NIPBL: variants seen among roughly 807,000 people sequenced by gnomAD.
NIPBL encodes nipped-B-like protein.
NIPBL carries 19 observed loss-of-function variants against 321.8 expected under a neutral mutation model. The observed-to-expected ratio is 0.06, with a 90% CI of 0.04 to 0.09. The LOEUF is 0.09. NIPBL is among the 10% of genes least tolerant of loss of function. The pLI is 1.00. For synonymous variants in NIPBL, 1,106 were observed against 1,114.1 expected (o/e 0.99, Z 0.14); for missense variants, 2,210 against 3,327.0 (o/e 0.66, Z 8.26).
At position 37,052,663 on chromosome 5, in the gene NIPBL, T is replaced by C. The variant is rs538922813; in HGVS notation, c.7263+97T>C. ...TAAATATTACCATTTTATTAGTATA[T>C]GATAGTAACTTCATTAAGTGTTTTC... On this transcript the variant is annotated intron_variant, in intron 42 of 46. Coordinates refer to ENST00000282516, the MANE Select transcript of NIPBL (RefSeq NM_133433.4). The C allele has an allele frequency of 9.3e-5, 81 of 872,620 alleles. 1 individual carries two copies. The highest frequency in any genetic ancestry group is 5.8e-4 in the Admixed American group (26 of 45,028). 54.1% of individuals were successfully genotyped at this position (872,620 alleles called of 1,614,324 possible).
At chr5:37,036,518 A>G (rs1751716000) in intron 33 of NIPBL, 31 bp downstream of exon 33, 4 of 911,086 alleles carry the variant, frequency 4.4e-6, no homozygotes, top group South Asian at 2.2e-5. Flanking sequence ...ATTGATCTTT[A>G]GTTGATTTTA....
chr5:36,958,299 C>CT (rs752079489), intron 4 of NIPBL, 68 bp downstream of exon 4: 834 of 1,509,340 alleles, frequency 5.5e-4, no homozygotes, highest in Non-Finnish European at 7.3e-4. Context: ...CAGGTGTCTT[C>CT]TTTAACAAGC....
At chr5:36,885,253 G>A in intron 1 of NIPBL, 1 of 528,014 alleles carries the variant, frequency 1.9e-6, no homozygotes. Context: ...ACTGGTTCCT[G>A]GGCTCTGTCC....
At chr5:36,971,815 C>T in intron 7 of NIPBL, 130 bp from the exon 8 acceptor site, 1 of 1,480,720 alleles carries the variant, frequency 6.8e-7, no homozygotes, top group Non-Finnish European at 9.0e-7. Context: ...CAGGAAAGTG[C>T]AGAAGAATTA....
chr5:36,901,494 T>C (rs942790716), intron 1 of NIPBL, among the ~76,000 whole-genome samples: 4 of 143,166 alleles, frequency 2.8e-5, no homozygotes, highest in Non-Finnish European at 6.0e-5. Context: ...ATGGTCCTTC[T>C]AAGTCCTTTT....
At chr5:37,037,339 G>A (rs1428677700) in intron 33 of NIPBL, among the ~76,000 whole-genome samples, 1 of 150,480 alleles carries the variant, frequency 6.6e-6, no homozygotes, top group Admixed American at 6.6e-5. Context: ...AGTGAGCCAA[G>A]ATCACGCCAC....
intron 45 of NIPBL, among the ~76,000 whole-genome samples, chr5:37,063,548 C>G (rs1253306150): frequency 6.6e-6 from 1 of 152,196 alleles, no homozygotes; most frequent in Admixed American, 6.5e-5. Flanking sequence ...ATTTATTTGT[C>G]TGTAGCTGCT....
intron 32 of NIPBL, among the ~76,000 whole-genome samples, 191 bp downstream of exon 32, chr5:37,027,603 GTTT>G (rs781358128): frequency 1.4e-5 from 1 of 69,744 alleles, no homozygotes; most frequent in East Asian, 4.3e-4. Context: ...CCTGGTTGTG[GTTT>G]TTTTTTTTTT....
Position 36,984,887 on chromosome 5 carries a change from A to C in NIPBL, c.1707A>C (p.Glu569Asp), listed in dbSNP as rs1322578530. The C allele has an allele frequency of 9.3e-6, 15 of 1,613,746 alleles. No individual in the cohort carries two copies. Among genetic ancestry groups the C allele is most frequent in the Non-Finnish European group, 1.3e-5 (15 of 1,179,868 alleles). Residue 569 changes from glutamate (E) to aspartate (D), a missense_variant, in exon 10 of 47, where the codon GAA becomes GAC. By Grantham distance (45) the Glu-to-Asp change is conservative. Transcript: ENST00000282516. ...QDSDSIKKPE[E>D]IKQCNDAPVS... ...CAGACTCCATAAAAAAGCCTGAAGA[A>C]ATCAAACAATGTAATGATGCACCTG...
Position 36,986,032 on chromosome 5 carries a change from G to T in NIPBL, c.2852G>T (p.Gly951Val), listed in dbSNP as rs1483295105. 6.2e-7 allele frequency: 1 copy of T among 1,613,942 alleles called. No individual in the cohort carries two copies. Among genetic ancestry groups the T allele is most frequent in the African/African-American group, 1.3e-5 (1 of 75,004 alleles). The change falls in exon 10 of 47, where the codon GGT (glycine) becomes GTT (valine). Residue 951 changes from glycine to valine, a missense_variant. Coordinates refer to ENST00000282516, the MANE Select transcript of NIPBL (RefSeq NM_133433.4). ...FPSYLLGGRSGALKNFVIPKI... is the reference protein window; with the variant it reads ...FPSYLLGGRSVALKNFVIPKI... Reference sequence around the variant, plus strand: ...AGTTATTTGTTGGGGGGCAGGTCTGGTGCGTTGAAAAATTTTGTCATTCCG... The same window carrying T: ...AGTTATTTGTTGGGGGGCAGGTCTGTTGCGTTGAAAAATTTTGTCATTCCG...
At chr5:36,877,675 C>T (rs899223263) in intron 1 of NIPBL, among the ~76,000 whole-genome samples, 2 of 152,224 alleles carry the variant, frequency 1.3e-5, no homozygotes, top group Non-Finnish European at 2.9e-5. Context: ...CCCCCTGTGA[C>T]CCCATGAAGG....
At chr5:36,952,063 C>CGCGT (rs1740417945) in intron 1 of NIPBL, among the ~76,000 whole-genome samples, 1 of 99,476 alleles carries the variant, frequency 1.0e-5, no homozygotes, top group Non-Finnish European at 2.1e-5. Context: ...TGCGCGCGCG[C>CGCGT]GCGCGCGCGC....
intron 1 of NIPBL, among the ~76,000 whole-genome samples, chr5:36,924,279 T>G (rs1030335256): frequency 1.3e-5 from 2 of 152,160 alleles, no homozygotes; most frequent in African/African-American, 2.4e-5. Context: ...TATGGATGAT[T>G]AATAAAATGT....
At chr5:37,044,605 C>G (rs771998051) in intron 35 of NIPBL, 31 bp from the exon 36 acceptor site, 1 of 1,594,384 alleles carries the variant, frequency 6.3e-7, no homozygotes, top group South Asian at 1.1e-5. Flanking sequence ...ATATTTTTAA[C>G]TTTTATCTAA....
At chr5:37,035,012 G>A (rs1751524835) in intron 32 of NIPBL, among the ~76,000 whole-genome samples, 2 of 152,178 alleles carry the variant, frequency 1.3e-5, no homozygotes, top group Admixed American at 6.5e-5. Flanking sequence ...AAGCTAGGCC[G>A]GGCATGGTAG....
At chr5:36,930,480 A>G (rs913207692) in intron 1 of NIPBL, among the ~76,000 whole-genome samples, 23 of 152,114 alleles carry the variant, frequency 1.5e-4, no homozygotes, top group Middle Eastern at 3.4e-3. Context: ...CATACTGGAC[A>G]GTGTCATCTG....
At chr5:36,898,073 T>A (rs1469458031) in intron 1 of NIPBL, among the ~76,000 whole-genome samples, 1 of 152,130 alleles carries the variant, frequency 6.6e-6, no homozygotes, top group Admixed American at 6.5e-5. Flanking sequence ...AATGCCAGAA[T>A]CAAACCTAAA....
At chr5:37,005,160 C>T (rs1003891479) in intron 16 of NIPBL, among the ~76,000 whole-genome samples, 4 of 152,058 alleles carry the variant, frequency 2.6e-5, no homozygotes, top group Non-Finnish European at 4.4e-5. Context: ...CACTGTGGCC[C>T]AGGGAAGCCA....
chr5:37,057,976 A>G (rs999687450), intron 43 of NIPBL, among the ~76,000 whole-genome samples: 15 of 152,350 alleles, frequency 9.8e-5, no homozygotes, highest in African/African-American at 3.6e-4. Context: ...ATCTCATTTT[A>G]TAAAATTGTA....
Sources: allele counts gnomAD v4.1 joint callset (sites outside exome capture counted in the v4.1 genomes callset), GRCh38; gene constraint gnomAD v4.1.1; transcripts MANE v1.5; gene names NCBI Gene and HGNC (gene_info 2026-07-23, HGNC 2026-07-21).